The following VAPA variants were observed in gnomAD, a reference collection of about 807,000 sequenced individuals.
VAPA encodes the protein VAMP associated protein A.
Under a neutral mutation model 25.6 loss-of-function variants are expected in VAPA, and 6 were observed. The observed-to-expected ratio is 0.23, with a 90% CI of 0.13 to 0.46. The LOEUF (loss-of-function observed/expected upper bound fraction) is 0.46. Ranked by LOEUF, VAPA falls within the 20% of genes least tolerant of loss-of-function variation. The pLI, the probability that VAPA is intolerant of heterozygous loss-of-function variation, is 0.99. For synonymous variants in VAPA, 112 were observed against 106.2 expected, an observed-to-expected ratio of 1.05 and a Z score of -0.34; for missense variants, 244 against 302.1, an observed-to-expected ratio of 0.81 and a Z score of 1.43.
At chr18:9,934,921 C>T (rs990810382) in intron 2 of VAPA, among the ~76,000 whole-genome samples, 4 of 151,724 alleles carry the variant, frequency 2.6e-5, no homozygotes, top group South Asian at 4.2e-4. Context: ...GGTGAAACCC[C>T]GTCTCTACTA....
intron 1 of VAPA, among the ~76,000 whole-genome samples, chr18:9,924,206 A>AG (rs2069181193): frequency 6.6e-6 from 1 of 152,096 alleles, no homozygotes; most frequent in African/African-American, 2.4e-5. Flanking sequence ...AGTTTGTTTC[A>AG]GGTTCTCTGA....
At chr18:9,945,350 C>CTTTTT (rs869048248) in intron 4 of VAPA, among the ~76,000 whole-genome samples, 732 of 57,294 alleles carry the variant, frequency 0.013, 158 homozygotes, top group Middle Eastern at 0.022. Context: ...GGAATATACT[C>CTTTTT]TTTTTTTTTT....
At chr18:9,932,109 C>G in intron 2 of VAPA, 147 bp downstream of exon 2, 2 of 577,818 alleles carry the variant, frequency 3.5e-6, no homozygotes, top group Non-Finnish European at 5.8e-6. Flanking sequence ...TTACAGTACT[C>G]TGCAAGCTGT....
Position 9,941,691 on chromosome 18 carries a change from T to A in VAPA, c.417+4625T>A, listed in dbSNP as rs11876349. 7.6e-3 allele frequency among the ~76,000 whole-genome samples: 1,158 copies of A among 152,304 alleles called. 10 individuals carry two copies. Among genetic ancestry groups the A allele is most frequent in the African/African-American group, 0.026 (1,099 of 41,564 alleles). The stretch of plus-strand genomic sequence containing the variant: ...TAATATTCCTTTTCTTTGTTTAGCA[T>A]GAAATTTGGCTCTTTGGAAATTAGG... On this transcript the variant is annotated intron_variant, in intron 4 of 5. Transcript: ENST00000400000.
intron 1 of VAPA, among the ~76,000 whole-genome samples, chr18:9,916,703 G>T (rs2069114548): frequency 6.6e-6 from 1 of 152,174 alleles, no homozygotes; most frequent in Non-Finnish European, 1.5e-5. Context: ...CATTTAGAAT[G>T]TACAGTCTAC....
intron 1 of VAPA, among the ~76,000 whole-genome samples, chr18:9,928,291 T>C (rs29205): frequency 0.022 from 3,390 of 152,200 alleles, 153 homozygotes; most frequent in African/African-American, 0.077. Flanking sequence ...TCAGTTTTTC[T>C]GAAAAAACAT....
intron 3 of VAPA, 183 bp downstream of exon 3, chr18:9,936,396 T>G: frequency 2.3e-6 from 1 of 428,798 alleles, no homozygotes; most frequent in Non-Finnish European, 4.2e-6. Flanking sequence ...AAATAGTATT[T>G]TTTTTTAGAA....
At chr18:9,921,030 C>A (rs368302440) in intron 1 of VAPA, among the ~76,000 whole-genome samples, 12 of 152,234 alleles carry the variant, frequency 7.9e-5, no homozygotes, top group African/African-American at 2.9e-4. Flanking sequence ...GTTAGGCTTA[C>A]ATATTCTCCC....
intron 1 of VAPA, among the ~76,000 whole-genome samples, chr18:9,927,060 T>G (rs2069206164): frequency 6.6e-6 from 1 of 152,188 alleles, no homozygotes; most frequent in South Asian, 2.1e-4. Context: ...GATATACTAC[T>G]GCTTATCCCA....
intron 2 of VAPA, among the ~76,000 whole-genome samples, chr18:9,932,650 A>G (rs532464278): frequency 8.5e-5 from 13 of 152,270 alleles, no homozygotes; most frequent in Admixed American, 6.5e-4. Flanking sequence ...GAGAACTTTT[A>G]TGGTTCCATG....
At chr18:9,933,673 G>A (rs555164933) in intron 2 of VAPA, among the ~76,000 whole-genome samples, 4 of 152,274 alleles carry the variant, frequency 2.6e-5, no homozygotes, top group Admixed American at 1.3e-4. Context: ...GAGTAGCTAG[G>A]ATTACGGGCG....
intron 1 of VAPA, among the ~76,000 whole-genome samples, chr18:9,925,456 T>C (rs2069192752): frequency 6.6e-6 from 1 of 152,132 alleles, no homozygotes; most frequent in Non-Finnish European, 1.5e-5. Flanking sequence ...GACTAAGTTT[T>C]TAAAAATAGA....
chr18:9,933,573 T>C (rs1229399844), intron 2 of VAPA, among the ~76,000 whole-genome samples: 1 of 152,192 alleles, frequency 6.6e-6, no homozygotes, highest in Non-Finnish European at 1.5e-5. Context: ...TGTCTTGCTT[T>C]GTTGCCCAGG....
chr18:9,940,975 T>A (rs1311202810), intron 4 of VAPA, among the ~76,000 whole-genome samples: 15 of 152,200 alleles, frequency 9.9e-5, no homozygotes, highest in Non-Finnish European at 1.5e-5. Context: ...AAGGCAGTAT[T>A]TCCCAGTGTA....
intron 4 of VAPA, chr18:9,944,952 C>CT (rs1567900168): frequency 1.2e-6 from 2 of 1,614,064 alleles, no homozygotes; most frequent in African/African-American, 2.7e-5. Flanking sequence ...AATGCTCCGA[C>CT]TGTCACTTCA....
rs1319061214 is a variant in VAPA, at chr18:9,915,450, CTTTGTT to C, written c.79+1119_79+1124del. 2.6e-5 allele frequency among the ~76,000 whole-genome samples: 4 copies of C among 151,712 alleles called. No homozygotes were observed. The South Asian group carries it at 8.3e-4, about 31-fold the overall frequency. ...AAATGTACAGATTTTTATTTTTTTT[CTTTGTT>C]TTTAAGGAATACTGAAAGAGTGTGA... On this transcript the variant is annotated intron_variant, in intron 1 of 5. Coordinates refer to ENST00000400000, the MANE Select transcript of VAPA (RefSeq NM_194434.3).
At chr18:9,947,690 A>C (rs2069439954) in intron 4 of VAPA, 1 of 152,240 alleles carries the variant, frequency 6.6e-6, no homozygotes, top group Non-Finnish European at 1.5e-5. Flanking sequence ...TTCTCAGAAC[A>C]ACCAGTCTTT....
chr18:9,921,030 C>T (rs368302440), intron 1 of VAPA, among the ~76,000 whole-genome samples: 1 of 152,234 alleles, frequency 6.6e-6, no homozygotes, highest in Non-Finnish European at 1.5e-5. Context: ...GTTAGGCTTA[C>T]ATATTCTCCC....
At chr18:9,921,085 TTG>T (rs970305322) in intron 1 of VAPA, among the ~76,000 whole-genome samples, 5 of 152,238 alleles carry the variant, frequency 3.3e-5, no homozygotes, top group African/African-American at 1.2e-4. Context: ...CTGTTAATGT[TTG>T]TAGTAACAAG....
Sources: gnomAD v4.1 joint callset for allele counts (sites outside exome capture counted in the v4.1 genomes callset) on GRCh38, gnomAD v4.1.1 for gene constraint, MANE v1.5 for transcripts, NCBI Gene and HGNC (gene_info 2026-07-23, HGNC 2026-07-21) for gene names.